LRP6: variants seen among roughly 807,000 people sequenced by gnomAD.
The protein encoded by LRP6 is low-density lipoprotein receptor-related protein 6.
A neutral mutation model predicts 184.1 loss-of-function variants in LRP6; 43 were observed. That is an observed-to-expected ratio of 0.23 (90% CI 0.18 to 0.30). The LOEUF is 0.30. Among genes scored for constraint, LRP6 ranks in the 10% least tolerant of loss-of-function variants. LRP6 has a pLI of 1.00. For missense variants in LRP6, 1,571 were observed against 2,005.3 expected, an observed-to-expected ratio of 0.78 and a Z score of 4.14; for synonymous variants, 719 against 684.9, an observed-to-expected ratio of 1.05 and a Z score of -0.78.
At chr12:12,183,748 C>T (rs191322970) in intron 5 of LRP6, among the ~76,000 whole-genome samples, 4 of 152,186 alleles carry the variant, frequency 2.6e-5, no homozygotes, top group South Asian at 2.1e-4. Flanking sequence ...AGATACAACA[C>T]GTAACTTTTT....
chr12:12,153,818 T>C (rs1206106271), intron 12 of LRP6, among the ~76,000 whole-genome samples: 9 of 152,152 alleles, frequency 5.9e-5, no homozygotes, highest in Admixed American at 1.3e-4. Flanking sequence ...GAGGATGAGA[T>C]GTACGTAGGA....
In LRP6 at chr12:12,155,568, A is replaced by C. The variant is rs1950140733; in HGVS notation, c.2791+3261T>G. 5.4e-6 allele frequency: 4 copies of C among 742,124 alleles called. No individual in the cohort carries two copies. The Admixed American group carries it at 7.6e-5, about 14-fold the overall frequency. 46.0% of individuals were successfully genotyped at this position (742,124 alleles called of 1,614,324 possible). On this transcript the variant is annotated intron_variant, in intron 12 of 22. Transcript: ENST00000261349. ...CACGTTAAGCACGCTAAGAGCCGAG[A>C]TAGCTTCCTAAAGGAAGCTATCAGA...
rs574690260 is a variant in LRP6 at position 12,131,489 on chromosome 12, T to C, written c.3970+332A>G. Among the ~76,000 whole-genome samples the C allele has an allele frequency of 2.6e-5, 4 of 152,270 alleles. No individual in the cohort carries two copies. In the South Asian group the frequency reaches 8.3e-4, roughly 32 times the overall value. ...TTGTTTTTACCATGGGAAAAGTTAG[T>C]AAGGGAAAGTGAAGAATATAAAATA... On this transcript the variant is annotated intron_variant, in intron 18 of 22. Coordinates refer to ENST00000261349, the MANE Select transcript of LRP6 (RefSeq NM_002336.3).
At chr12:12,203,014 T>C (rs1232415005) in intron 3 of LRP6, among the ~76,000 whole-genome samples, 189 bp downstream of exon 3, 1 of 152,236 alleles carries the variant, frequency 6.6e-6, no homozygotes, top group South Asian at 2.1e-4. Context: ...AAATTCTAAA[T>C]GCTATCAAGA....
chr12:12,209,170 A>G (rs765168914), intron 2 of LRP6, among the ~76,000 whole-genome samples: 1 of 152,254 alleles, frequency 6.6e-6, no homozygotes, highest in Non-Finnish European at 1.5e-5. Flanking sequence ...CAATTTGCAC[A>G]CTATAAAGAC....
chr12:12,180,215 C>G (rs949016821), intron 6 of LRP6, among the ~76,000 whole-genome samples: 1 of 147,638 alleles, frequency 6.8e-6, no homozygotes, highest in Admixed American at 6.8e-5. Context: ...AAATGCCTCC[C>G]AATAATGAGA....
chr12:12,164,965 G>C, intron 8 of LRP6, 114 bp downstream of exon 8: 1 of 547,358 alleles, frequency 1.8e-6, no homozygotes, highest in Non-Finnish European at 3.3e-6. Flanking sequence ...AGGCGGGGGG[G>C]CAGTAAAGAA....
chr12:12,131,053 GA>G (rs1423242145), intron 18 of LRP6, among the ~76,000 whole-genome samples, 160 bp from the exon 19 acceptor site: 2 of 138,448 alleles, frequency 1.4e-5, no homozygotes, highest in Non-Finnish European at 3.1e-5. Flanking sequence ...TTGAGAGAGA[GA>G]AAAAAGAGTA....
chr12:12,188,072 C>T (rs1388755578), intron 3 of LRP6, among the ~76,000 whole-genome samples: 1 of 151,772 alleles, frequency 6.6e-6, no homozygotes, highest in Non-Finnish European at 1.5e-5. Context: ...ATTAGCCAGG[C>T]GTGGTGGTGG....
intron 1 of LRP6, among the ~76,000 whole-genome samples, chr12:12,245,577 T>C (rs1865163438): frequency 6.6e-6 from 1 of 152,220 alleles, no homozygotes; most frequent in Non-Finnish European, 1.5e-5. Flanking sequence ...ATTTATTGTC[T>C]ATCAATTATA....
At chr12:12,196,126 T>C (rs966000748) in intron 3 of LRP6, among the ~76,000 whole-genome samples, 2 of 152,200 alleles carry the variant, frequency 1.3e-5, no homozygotes, top group African/African-American at 2.4e-5. Flanking sequence ...GTTAGTATGA[T>C]GTCTCCAGCT....
At chr12:12,265,026 A>G (rs1157669776) in intron 1 of LRP6, among the ~76,000 whole-genome samples, 1 of 152,242 alleles carries the variant, frequency 6.6e-6, no homozygotes, top group Non-Finnish European at 1.5e-5. Flanking sequence ...CCTCCAAGAA[A>G]TACAACTAGA....
chr12:12,163,917 A>G (rs1862803309), intron 9 of LRP6, among the ~76,000 whole-genome samples: 1 of 152,148 alleles, frequency 6.6e-6, no homozygotes, highest in African/African-American at 2.4e-5. Flanking sequence ...GCGGATCACG[A>G]GGTCAAGAGT....
chr12:12,239,417 A>G (rs1265293941), intron 2 of LRP6, among the ~76,000 whole-genome samples: 1 of 152,236 alleles, frequency 6.6e-6, no homozygotes, highest in Non-Finnish European at 1.5e-5. Flanking sequence ...AGGACAATGG[A>G]AACAGTACAA....
intron 17 of LRP6, among the ~76,000 whole-genome samples, chr12:12,133,893 TA>T (rs1298888130): frequency 1.5e-5 from 2 of 135,880 alleles, no homozygotes; most frequent in African/African-American, 5.5e-5. Flanking sequence ...TTGACCAATT[TA>T]ACCACTTTAA....
chr12:12,164,128 T>TAA (rs770056510), intron 9 of LRP6, 145 bp downstream of exon 9: 9,505 of 591,210 alleles, frequency 0.016, no homozygotes, highest in East Asian at 0.019. Context: ...AGACACCGTT[T>TAA]AAAAAAAAAA....
chr12:12,198,396 A>C (rs2137030670), intron 3 of LRP6, among the ~76,000 whole-genome samples: 1 of 150,820 alleles, frequency 6.6e-6, no homozygotes, highest in Middle Eastern at 3.4e-3. Context: ...TTGGTCTTTA[A>C]ATTTTTCCTC....
At chr12:12,265,726 A>AT (rs1415052375) in intron 1 of LRP6, among the ~76,000 whole-genome samples, 1 of 152,186 alleles carries the variant, frequency 6.6e-6, no homozygotes, top group African/African-American at 2.4e-5. Context: ...TCAACACTAA[A>AT]TAGTTTGAGA....
intron 12 of LRP6, among the ~76,000 whole-genome samples, chr12:12,156,873 C>T (rs1418247646): frequency 6.6e-6 from 1 of 152,226 alleles, no homozygotes; most frequent in African/African-American, 2.4e-5. Flanking sequence ...TCTTTTCTCT[C>T]CATCAGAGTT....
Sources: gnomAD v4.1 joint callset for allele counts (sites outside exome capture counted in the v4.1 genomes callset) on GRCh38, gnomAD v4.1.1 for gene constraint, MANE v1.5 for transcripts, NCBI Gene and HGNC (gene_info 2026-07-23, HGNC 2026-07-21) for gene names.